Variants in PUDP observed in about 807,000 individuals in gnomAD.
PUDP encodes pseudouridine 5'-phosphatase, also known as pseudouridine-5'-phosphatase.
Under a neutral mutation model 9.4 loss-of-function variants are expected in PUDP, and 8 were observed. That is an observed-to-expected ratio of 0.85 (90% CI 0.50 to 1.53). PUDP has a LOEUF of 1.53. PUDP is among the 40% of genes most tolerant of loss of function. The pLI, the probability that PUDP is intolerant of heterozygous loss-of-function variation, is 0.00. For synonymous variants in PUDP, 99 were observed against 80.7 expected, an observed-to-expected ratio of 1.23 and a Z score of -1.22; for missense variants, 188 against 189.7, an observed-to-expected ratio of 0.99 and a Z score of 0.05.
At chrX:6,899,879 A>C (rs1649705678) in intron 3 of PUDP, among the ~76,000 whole-genome samples, 1 of 111,374 alleles carries the variant, frequency 9.0e-6, no homozygotes, top group Admixed American at 9.6e-5. Context: ...TCAAACTGCT[A>C]CTTCAGGCCT....
chrX:7,112,754 C>T (rs768773479), intron 1 of PUDP, among the ~76,000 whole-genome samples: 4 of 111,584 alleles, frequency 3.6e-5, no homozygotes, highest in South Asian at 3.8e-4. Context: ...CCTGACCCCC[C>T]GGGCTCAAGT....
intron 2 of PUDP, among the ~76,000 whole-genome samples, chrX:7,102,267 G>C (rs1931755826): frequency 1.0e-5 from 1 of 95,324 alleles, no homozygotes; most frequent in Non-Finnish European, 2.1e-5. Flanking sequence ...TTTATTCCTG[G>C]AATGCAAAAA....
At chrX:6,758,193 G>C (rs1288447388) in intron 3 of PUDP, among the ~76,000 whole-genome samples, 3 of 112,148 alleles carry the variant, frequency 2.7e-5, no homozygotes, top group African/African-American at 9.7e-5. Flanking sequence ...TGGGTGCAGT[G>C]GCTCATTCCT....
At chrX:6,821,953 C>T (rs914571498) in intron 3 of PUDP, among the ~76,000 whole-genome samples, 5 of 111,826 alleles carry the variant, frequency 4.5e-5, no homozygotes, top group African/African-American at 9.8e-5. Context: ...ACTGTGTAAA[C>T]GGCACACCTA....
intron 3 of PUDP, among the ~76,000 whole-genome samples, chrX:6,931,470 C>A (rs1467716225): frequency 8.9e-6 from 1 of 111,871 alleles, no homozygotes; most frequent in African/African-American, 3.2e-5. Flanking sequence ...GCCACCGTGA[C>A]CAGCTTTGCA....
chrX:6,855,943 C>T (rs1046968783), intron 3 of PUDP, among the ~76,000 whole-genome samples: 2 of 111,278 alleles, frequency 1.8e-5, no homozygotes, highest in East Asian at 2.8e-4. Context: ...GATATTTATA[C>T]CTTAGAATGA....
intron 1 of PUDP, among the ~76,000 whole-genome samples, chrX:6,715,299 T>C (rs1270528538): frequency 1.8e-5 from 2 of 111,341 alleles, no homozygotes; most frequent in Non-Finnish European, 3.8e-5. Context: ...ATGCTTTTAT[T>C]ATTTAATCAT....
intron 3 of PUDP, among the ~76,000 whole-genome samples, chrX:6,773,480 C>T (rs866386636): frequency 5.4e-5 from 6 of 111,485 alleles, no homozygotes; most frequent in African/African-American, 9.8e-5. Context: ...CACTAGAGTC[C>T]GTCAGGGTCA....
chrX:7,124,429 A>C (rs1450461726), intron 1 of PUDP, among the ~76,000 whole-genome samples: 1 of 111,752 alleles, frequency 8.9e-6, no homozygotes, highest in Admixed American at 9.5e-5. Context: ...GCACTAAAAA[A>C]GTATGTTCAA....
At chrX:6,913,406 G>A (rs1327439334) in intron 3 of PUDP, among the ~76,000 whole-genome samples, 1 of 111,827 alleles carries the variant, frequency 8.9e-6, no homozygotes, top group Non-Finnish European at 1.9e-5. Flanking sequence ...AGAAAACATT[G>A]TTTAAAATGT....
intron 1 of PUDP, among the ~76,000 whole-genome samples, chrX:6,712,835 G>A (rs1040067947): frequency 7.2e-5 from 8 of 111,331 alleles, no homozygotes; most frequent in Non-Finnish European, 1.5e-4. Context: ...ATCACTTGAG[G>A]CCAGGAGTTC....
At chrX:7,137,854 C>T (rs1932765792) in intron 1 of PUDP, among the ~76,000 whole-genome samples, 1 of 112,128 alleles carries the variant, frequency 8.9e-6, no homozygotes, top group Admixed American at 9.4e-5. Flanking sequence ...GCTGTCCACA[C>T]ACACAGGCAT....
At chrX:7,074,706 T>C (rs1210529311) in intron 3 of PUDP, among the ~76,000 whole-genome samples, 1 of 112,350 alleles carries the variant, frequency 8.9e-6, no homozygotes, top group African/African-American at 3.2e-5. Context: ...CCTGAAGCTA[T>C]GGAATAATTC....
intron 1 of PUDP, among the ~76,000 whole-genome samples, chrX:6,712,924 G>A (rs1042688206): frequency 9.0e-6 from 1 of 111,607 alleles, no homozygotes; most frequent in African/African-American, 3.3e-5. Flanking sequence ...GGCGTGCCCT[G>A]TGGCCCCAGC....
At chrX:6,850,275 G>C (rs979711817) in intron 3 of PUDP, among the ~76,000 whole-genome samples, 23 of 112,045 alleles carry the variant, frequency 2.1e-4, no homozygotes, top group Non-Finnish European at 1.7e-4. Flanking sequence ...TAAAGTGCAC[G>C]TCAGTTGTTC....
chrX:6,800,228 T>C (rs1016100158), intron 3 of PUDP, among the ~76,000 whole-genome samples: 3 of 111,968 alleles, frequency 2.7e-5, no homozygotes, highest in Non-Finnish European at 5.6e-5. Context: ...TTTGATATAG[T>C]CCTCCTCAGT....
intron 1 of PUDP, among the ~76,000 whole-genome samples, chrX:7,017,161 T>C (rs765444928): frequency 8.9e-6 from 1 of 112,389 alleles, no homozygotes; most frequent in East Asian, 2.8e-4. Flanking sequence ...TCATGTTATA[T>C]TATTGCATAC....
chrX:6,883,699 T>C (rs36124079), intron 3 of PUDP, among the ~76,000 whole-genome samples: 12,466 of 110,642 alleles, frequency 0.11, 762 homozygotes, highest in East Asian at 0.46. Context: ...GTGAAAAAAT[T>C]ATCTCATAAT....
At chrX:7,062,168 G>A (rs1334556546) in intron 3 of PUDP, among the ~76,000 whole-genome samples, 1 of 112,071 alleles carries the variant, frequency 8.9e-6, no homozygotes, top group Non-Finnish European at 1.9e-5. Context: ...CCTACATAAA[G>A]TACTGTCTTG....
Sources: gnomAD v4.1 joint callset for allele counts (sites outside exome capture counted in the v4.1 genomes callset) on GRCh38, gnomAD v4.1.1 for gene constraint, MANE v1.5 for transcripts, NCBI Gene and HGNC (gene_info 2026-07-23, HGNC 2026-07-21) for gene names.